Variants in SHC1 observed in about 807,000 individuals in gnomAD.
The protein encoded by SHC1 is SHC-transforming protein 1.
SHC1 carries 30 observed loss-of-function variants against 55.9 expected under a neutral mutation model. That is an observed-to-expected ratio of 0.54 (90% CI 0.40 to 0.73). SHC1 has a LOEUF of 0.73. SHC1 is among the 30% of genes least tolerant of loss of function. The pLI, the probability that SHC1 is intolerant of heterozygous loss-of-function variation, is 0.00. For missense variants in SHC1, 675 were observed against 777.1 expected, an observed-to-expected ratio of 0.87 and a Z score of 1.56; for synonymous variants, 309 against 306.1, an observed-to-expected ratio of 1.01 and a Z score of -0.10.
rs1465600699 is a variant in SHC1, at chr1:154,962,360, A to ATCT, written c.*1442_*1443insAGA. 6.5e-6 allele frequency: 1 copy of ATCT among 152,798 alleles called. No individual in the cohort carries two copies. Among genetic ancestry groups the ATCT allele is most frequent in the Non-Finnish European group, 1.5e-5 (1 of 68,074 alleles). 9.5% of individuals were successfully genotyped at this position (152,798 alleles called of 1,614,324 possible). ...TGGTATAAGTGAGACCCGTGGAAAC[A>ATCT]TCCAAACAGCAAAAGGAGGCCAGGA... On this transcript the variant is annotated 3_prime_UTR_variant, in exon 12 of 12. Coordinates refer to ENST00000448116, the MANE Select transcript of SHC1 (RefSeq NM_001130040.2).
Position 154,966,418 on chromosome 1 carries a change from C to A in SHC1, c.1083G>T (p.Gly361=), listed in dbSNP as rs1470473984. The change falls in exon 8 of 12, where the codon GGG becomes GGT. Residue 361 remains glycine, a synonymous_variant. Transcript: ENST00000448116. The part of the protein sequence containing the change: ...NDFPGKEPPL[G]GVVDMRLREG... Reference sequence around the variant, plus strand: ...CCCGAAGCCTCATGTCTACCACCCCCCCCAAGGGGGGTTCCTTCCCCGGGA... The same window carrying A: ...CCCGAAGCCTCATGTCTACCACCCCACCCAAGGGGGGTTCCTTCCCCGGGA... 8.7e-6 allele frequency: 14 copies of A among 1,613,836 alleles called. No individual in the cohort carries two copies. Among genetic ancestry groups the A allele is most frequent in the Non-Finnish European group, 1.1e-5 (13 of 1,179,856 alleles).
Position 154,970,561 on chromosome 1 carries a change from GC to G in SHC1, c.-36del, listed in dbSNP as rs1266836333. On this transcript the variant is annotated 5_prime_UTR_variant, in exon 1 of 12. Transcript: ENST00000448116. The surrounding 1 kb of genome is among the most constrained non-coding windows in gnomAD (Gnocchi z 5.5). ...GAAAGAGGGGCTGCTGCCCAGCCTG[GC>G]CCCCCTGCCAGTTTGGGCAAGGGGG... 5.2e-6 allele frequency: 8 copies of G among 1,541,890 alleles called. No individual in the cohort carries two copies. Among genetic ancestry groups the G allele is most frequent in the Admixed American group, 2.1e-5 (1 of 46,624 alleles).
At position 154,966,385 on chromosome 1, in the gene SHC1, G is replaced by A. The variant is rs770885989; in HGVS notation, c.1116C>T (p.Ala372=). ...CAGTGGGTCGAGCAGCCCCTGGAGC[G>A]GCTCCTTCCCGAAGCCTCATGTCTA... ...GVVDMRLREG[A]APGAARPTAP... is the part of the protein sequence containing the mutation. Residue 372 remains alanine (A), a synonymous_variant, in exon 8 of 12, where the codon GCC becomes GCT. Transcript: ENST00000448116. 35 of 1,613,976 alleles carry A rather than the reference G, an allele frequency of 2.2e-5. No homozygotes were observed. The highest frequency in any genetic ancestry group is 1.1e-4 in the East Asian group (5 of 44,884).
In SHC1 at chr1:154,963,738, C is replaced by T. The variant is rs1336913991; in HGVS notation, c.*65G>A. On this transcript the variant is annotated 3_prime_UTR_variant, in exon 12 of 12. Transcript: ENST00000448116. Reference sequence around the variant, plus strand: ...CACAGAACACTCCCAAACGAGGTCCCGAGAGTTAGGGAATAGGGTGGAAAG... The same window carrying T: ...CACAGAACACTCCCAAACGAGGTCCTGAGAGTTAGGGAATAGGGTGGAAAG... 4.4e-6 allele frequency: 7 copies of T among 1,577,924 alleles called. No individual in the cohort carries two copies. Among genetic ancestry groups the T allele is most frequent in the African/African-American group, 1.3e-5 (1 of 74,292 alleles).
chr1:154,970,721 C>A lies in SHC1; in HGVS notation c.-195G>T. On this transcript the variant is annotated 5_prime_UTR_variant, in exon 1 of 12. Coordinates refer to ENST00000448116, the MANE Select transcript of SHC1 (RefSeq NM_001130040.2). This position sits in a 1 kb window ranked among gnomAD's most constrained non-coding sequence, Gnocchi z 5.5. The stretch of plus-strand genomic sequence containing the variant: ...AGACCCAGACAGTTTCAGGCCCCAT[C>A]CCCGCCCAACGTGGAGCCTCTTCTC... The A allele has an allele frequency of 2.0e-6, 1 of 505,608 alleles. No homozygotes were observed. The highest frequency in any genetic ancestry group is 3.5e-6 in the Non-Finnish European group (1 of 287,944). 31.3% of individuals were successfully genotyped at this position (505,608 alleles called of 1,614,324 possible).
chr1:154,965,325 C>T (rs1229315869), intron 11 of SHC1: 2 of 1,459,372 alleles, frequency 1.4e-6, no homozygotes, highest in Admixed American at 2.1e-5. Flanking sequence ...GTGTGAGCCA[C>T]CACGCCTGGC....
chr1:154,965,777 G>A lies in SHC1; in HGVS notation c.1392C>T (p.Pro464=), dbSNP rs1304736404. 1 of 1,612,316 alleles carries A rather than the reference G, an allele frequency of 6.2e-7. No individual in the cohort carries two copies. The highest frequency in any genetic ancestry group is 8.5e-7 in the Non-Finnish European group (1 of 1,178,628). ...GAGGCACGCGAAGAGCATCTTCGAA[G>A]GGCTCTGGAAGTATAGAGGGAGGGT... ...SAPRDLFDMK[P]FEDALRVPPP... Residue 464 remains proline (P), a synonymous_variant, in exon 11 of 12, where the codon CCC becomes CCT. Transcript: ENST00000448116.
chr1:154,963,826 G>T lies in SHC1; in HGVS notation c.1732C>A (p.Gln578Lys), dbSNP rs770420471. ...ISAGSELCLQ[Q>K]PVERKL ...GATCACAGTTTCCGCTCCACAGGTT[G>T]CTGTAGACACAGTTCGCTGCCCGCA... Residue 578 changes from glutamine (Q) to lysine (K), a missense_variant, in exon 12 of 12, where the codon CAA (glutamine) becomes AAA (lysine). This residue lies in a region of SHC1 where 360 missense variants were observed against 371.1 expected (regional missense o/e 0.97). Transcript: ENST00000448116. The T allele has an allele frequency of 5.0e-6, 8 of 1,614,134 alleles. No homozygotes were observed. The highest frequency in any genetic ancestry group is 3.3e-4 in the Middle Eastern group (2 of 6,016).
At chr1:154,969,791 G>A (rs1656500685) in intron 1 of SHC1, among the ~76,000 whole-genome samples, 1 of 150,980 alleles carries the variant, frequency 6.6e-6, no homozygotes. Context: ...CTGCCATGCT[G>A]GGCATTGTGC....
At position 154,970,744 on chromosome 1, in the gene SHC1, C is replaced by A; in HGVS notation, c.-218G>T. The A allele has an allele frequency of 2.1e-6, 1 of 481,510 alleles. No individual in the cohort carries two copies. Among genetic ancestry groups the A allele is most frequent in the African/African-American group, 2.0e-5 (1 of 49,200 alleles). 29.8% of individuals were successfully genotyped at this position (481,510 alleles called of 1,614,324 possible). A position where few individuals can be genotyped will look rare whatever the true frequency, so the allele number is the denominator to read the frequency against. On this transcript the variant is annotated 5_prime_UTR_variant, in exon 1 of 12. Transcript: ENST00000448116. This position sits in a 1 kb window ranked among gnomAD's most constrained non-coding sequence, Gnocchi z 5.5. ...ATCCCCGCCCAACGTGGAGCCTCTT[C>A]TCTGGCTGAGAAGAGAACAGGCTGG...
chr1:154,971,997 C>T (rs1656795746), upstream of SHC1, among the ~76,000 whole-genome samples: 1 of 151,846 alleles, frequency 6.6e-6, no homozygotes, highest in African/African-American at 2.4e-5. Flanking sequence ...CCTGTGATAC[C>T]AGCACTTTGG....
chr1:154,967,107 A>G (rs556123263), intron 7 of SHC1, among the ~76,000 whole-genome samples: 3 of 151,864 alleles, frequency 2.0e-5, no homozygotes, highest in Admixed American at 2.0e-4. Flanking sequence ...AGACTGTCTC[A>G]AATAAGTAAT....
At chr1:154,972,872 G>T (rs74116265), upstream of SHC1, among the ~76,000 whole-genome samples, 1 of 152,040 alleles carries the variant, frequency 6.6e-6, no homozygotes, top group Non-Finnish European at 1.5e-5. Flanking sequence ...CTCTGGTTAG[G>T]GGGAGGGGAA....
At position 154,967,831 on chromosome 1, in the gene SHC1, G is replaced by A. The variant is rs752388210; in HGVS notation, c.857-34C>T. 7 of 1,611,890 alleles carry A rather than the reference G, an allele frequency of 4.3e-6. No individual in the cohort carries two copies. The South Asian group carries it at 5.5e-5, about 13-fold the overall frequency. On this transcript the variant is annotated intron_variant, in intron 6 of 11. Transcript: ENST00000448116. ...ACAGCAGAGGCTGTCAGTGAGCTGA[G>A]CCCACTGGGAGGAGGCACAGACAGG...
Position 154,962,789 on chromosome 1 carries a change from G to C in SHC1, c.*1014C>G, listed in dbSNP as rs113804194. On this transcript the variant is annotated 3_prime_UTR_variant, in exon 12 of 12. Coordinates refer to ENST00000448116, the MANE Select transcript of SHC1 (RefSeq NM_001130040.2). ...AAGCAATGGAAAAGAAAATAGGAAA[G>C]TAAGTCTACAGCCCTAAAATATATG... 1 of 152,770 alleles carries C rather than the reference G, an allele frequency of 6.5e-6. No homozygotes were observed. Among genetic ancestry groups the C allele is most frequent in the Admixed American group, 6.5e-5 (1 of 15,290 alleles). 9.5% of individuals were successfully genotyped at this position (152,770 alleles called of 1,614,324 possible). A position where few individuals can be genotyped will look rare whatever the true frequency, so the allele number is the denominator to read the frequency against.
At chr1:154,967,185 G>A (rs541920608) in intron 7 of SHC1, among the ~76,000 whole-genome samples, 34 of 149,380 alleles carry the variant, frequency 2.3e-4, no homozygotes, top group African/African-American at 7.4e-4. Context: ...GGGGTGGGGG[G>A]CCGGGGGAGG....
chr1:154,969,246 C>T, intron 2 of SHC1, 132 bp downstream of exon 2: 1 of 682,340 alleles, frequency 1.5e-6, no homozygotes, highest in East Asian at 2.7e-5. Flanking sequence ...ACTACCTCAG[C>T]TTTCTCTCAA....
chr1:154,965,867 G>A, intron 10 of SHC1, 79 bp downstream of exon 10: 1 of 1,576,140 alleles, frequency 6.3e-7, no homozygotes, highest in Admixed American at 1.7e-5. Flanking sequence ...AGTCAGGAAG[G>A]AAAGAGCAGA....
At chr1:154,969,973 A>G in intron 1 of SHC1, 59 bp downstream of exon 1, 2 of 1,578,212 alleles carry the variant, frequency 1.3e-6, no homozygotes, top group Non-Finnish European at 1.7e-6. Flanking sequence ...GCCAAGCTGG[A>G]GTGAGCATTA....
Sources: gnomAD v4.1 joint callset for allele counts (sites outside exome capture counted in the v4.1 genomes callset) on GRCh38, gnomAD v4.1.1 for gene constraint, gnomAD v4.1.1 regional missense constraint, Gnocchi (gnomAD v3.1) non-coding constraint, MANE v1.5 for transcripts, NCBI Gene and HGNC (gene_info 2026-07-23, HGNC 2026-07-21) for gene names.